KAZN: variants seen among roughly 807,000 people sequenced by gnomAD.
KAZN encodes kazrin, periplakin interacting protein, also known as kazrin.
KAZN carries 40 observed loss-of-function variants against 87.4 expected under a neutral mutation model. That is an observed-to-expected ratio of 0.46 (90% CI 0.36 to 0.60). The LOEUF is 0.60. Among genes scored for constraint, KAZN ranks in the 20% least tolerant of loss-of-function variants. The pLI is 0.00. For synonymous variants in KAZN, 466 were observed against 458.3 expected (o/e 1.02, Z -0.22); for missense variants, 898 against 1,073.9 (o/e 0.84, Z 2.29).
intron 2 of KAZN, among the ~76,000 whole-genome samples, chr1:14,401,164 A>G (rs745801209): frequency 3.9e-5 from 6 of 152,224 alleles, no homozygotes; most frequent in Non-Finnish European, 7.3e-5. Flanking sequence ...CACTTGAGTG[A>G]TTTTAAATTC....
intron 2 of KAZN, among the ~76,000 whole-genome samples, chr1:14,497,335 TAAAAAAAAAA>T (rs70997150): frequency 1.2e-4 from 9 of 76,422 alleles, no homozygotes; most frequent in South Asian, 7.1e-4. Context: ...ATTCTGTTAC[TAAAAAAAAAA>T]AAAAAAAAAA....
intron 1 of KAZN, among the ~76,000 whole-genome samples, chr1:14,685,671 G>A (rs1048468113): frequency 2.6e-5 from 4 of 152,172 alleles, no homozygotes; most frequent in Admixed American, 2.0e-4. Flanking sequence ...ATGAAACTAA[G>A]GTGAAAACTT....
chr1:15,072,913 C>T (rs1354574139), intron 8 of KAZN, among the ~76,000 whole-genome samples: 1 of 152,142 alleles, frequency 6.6e-6, no homozygotes, highest in East Asian at 1.9e-4. Context: ...TGAGGCCGGG[C>T]GCTGAGTAGG....
chr1:14,181,112 A>G (rs1394696741), intron 2 of KAZN, among the ~76,000 whole-genome samples: 1 of 152,076 alleles, frequency 6.6e-6, no homozygotes, highest in Non-Finnish European at 1.5e-5. Flanking sequence ...CTTGTGTACT[A>G]TTTTATCGAA....
chr1:14,249,316 G>A (rs556963487), intron 2 of KAZN, among the ~76,000 whole-genome samples: 1 of 152,316 alleles, frequency 6.6e-6, no homozygotes, highest in South Asian at 2.1e-4. Flanking sequence ...CAAAAAGAAA[G>A]CTCTGATTAT....
chr1:15,058,909 C>G (rs1638535248), intron 5 of KAZN, among the ~76,000 whole-genome samples: 1 of 151,968 alleles, frequency 6.6e-6, no homozygotes, highest in Non-Finnish European at 1.5e-5. Flanking sequence ...GTAATCCCAG[C>G]TACTCGGGAG....
intron 1 of KAZN, among the ~76,000 whole-genome samples, chr1:14,105,346 A>T (rs79299945): frequency 0.053 from 8,083 of 152,262 alleles, 317 homozygotes; most frequent in Non-Finnish European, 0.084. Context: ...TTGGAGTATG[A>T]GCCATGCTGG....
chr1:14,883,018 G>T (rs991327484), intron 1 of KAZN, among the ~76,000 whole-genome samples: 2 of 151,930 alleles, frequency 1.3e-5, no homozygotes, highest in African/African-American at 4.8e-5. Flanking sequence ...GTTCTTGGCC[G>T]GGCACGGTGG....
At chr1:15,063,458 G>T in intron 6 of KAZN, 114 bp from the exon 7 acceptor site, 1 of 851,708 alleles carries the variant, frequency 1.2e-6, no homozygotes, top group Non-Finnish European at 2.0e-6. Flanking sequence ...GAGGCAGGGT[G>T]GCCCCTGAGA....
At chr1:14,006,251 A>G (rs1640033619) in intron 1 of KAZN, among the ~76,000 whole-genome samples, 1 of 152,198 alleles carries the variant, frequency 6.6e-6, no homozygotes, top group Non-Finnish European at 1.5e-5. Context: ...CTGAGGCTGC[A>G]TAGCTTATAA....
intron 1 of KAZN, among the ~76,000 whole-genome samples, chr1:14,004,589 T>G (rs1639954494): frequency 6.6e-6 from 1 of 152,196 alleles, no homozygotes. Context: ...GATGAGAATT[T>G]CCTAGGGAGT....
At chr1:14,166,091 G>C (rs1236507091) in intron 1 of KAZN, among the ~76,000 whole-genome samples, 2 of 152,180 alleles carry the variant, frequency 1.3e-5, no homozygotes, top group African/African-American at 4.8e-5. Context: ...GAGGTGGGCA[G>C]ATCACCTGAG....
At chr1:14,415,781 C>T (rs1351009602) in intron 2 of KAZN, among the ~76,000 whole-genome samples, 1 of 152,144 alleles carries the variant, frequency 6.6e-6, no homozygotes, top group Non-Finnish European at 1.5e-5. Context: ...TTCCCTACTT[C>T]CCTACCAGTA....
intron 1 of KAZN, among the ~76,000 whole-genome samples, chr1:14,659,563 G>T (rs1006590450): frequency 6.6e-6 from 1 of 152,134 alleles, no homozygotes; most frequent in African/African-American, 2.4e-5. Flanking sequence ...AGAGGAAACC[G>T]ATGGCACCAT....
intron 2 of KAZN, among the ~76,000 whole-genome samples, chr1:14,545,992 T>C (rs1673116660): frequency 6.6e-6 from 1 of 152,014 alleles, no homozygotes; most frequent in Non-Finnish European, 1.5e-5. Flanking sequence ...ACCAGAAATA[T>C]TTGGTGAATA....
chr1:14,721,262 G>C (rs1643088279), intron 1 of KAZN, among the ~76,000 whole-genome samples: 1 of 152,164 alleles, frequency 6.6e-6, no homozygotes, highest in Non-Finnish European at 1.5e-5. Flanking sequence ...TCGTGCTTGT[G>C]AGTGAGTTCT....
intron 1 of KAZN, among the ~76,000 whole-genome samples, chr1:14,627,368 C>G (rs1679221287): frequency 6.6e-6 from 1 of 151,912 alleles, no homozygotes; most frequent in Non-Finnish European, 1.5e-5. Context: ...CCCAGGAGGT[C>G]AATAAGAGAT....
intron 1 of KAZN, among the ~76,000 whole-genome samples, chr1:14,819,706 C>CTTTT (rs775752838): frequency 1.7e-4 from 20 of 117,518 alleles, no homozygotes; most frequent in East Asian, 2.6e-4. Flanking sequence ...GAAAAAAAAT[C>CTTTT]TTTTTTTTTT....
chr1:13,924,949 C>G (rs1384543995), intron 1 of KAZN, among the ~76,000 whole-genome samples: 1 of 152,156 alleles, frequency 6.6e-6, no homozygotes, highest in East Asian at 1.9e-4. Context: ...ACAATTCACC[C>G]ATTTGACGTG....
Sources: allele counts gnomAD v4.1 joint callset (sites outside exome capture counted in the v4.1 genomes callset), GRCh38; gene constraint gnomAD v4.1.1; transcripts MANE v1.5; gene names NCBI Gene and HGNC (gene_info 2026-07-23, HGNC 2026-07-21).